The following UNC80 variants were observed in gnomAD, a reference collection of about 807,000 sequenced individuals.
UNC80 encodes the protein protein unc-80 homolog.
In UNC80, 164 loss-of-function variants were observed where a neutral mutation model predicts 384.6. The ratio of observed to expected loss-of-function variants is 0.43; its 90% CI spans 0.38 to 0.49. The LOEUF is 0.49. UNC80 is among the 20% of genes least tolerant of loss of function. The pLI is 0.00. For missense variants in UNC80, 3,330 were observed against 4,143.0 expected, an observed-to-expected ratio of 0.80 and a Z score of 5.39; for synonymous variants, 1,486 against 1,527.8, an observed-to-expected ratio of 0.97 and a Z score of 0.64.
At chr2:209,884,025 C>A (rs992718238) in intron 25 of UNC80, among the ~76,000 whole-genome samples, 2 of 152,112 alleles carry the variant, frequency 1.3e-5, no homozygotes, top group Non-Finnish European at 2.9e-5. Context: ...CCCCCTCCCC[C>A]ACAAAGAAAC....
chr2:209,850,304 C>T (rs1214918827), intron 22 of UNC80, among the ~76,000 whole-genome samples: 1 of 152,004 alleles, frequency 6.6e-6, no homozygotes, highest in Non-Finnish European at 1.5e-5. Context: ...ATAAAGTCTT[C>T]ATATGATGCA....
chr2:209,918,804 A>G (rs1055939544), intron 33 of UNC80, 141 bp downstream of exon 33: 1 of 1,028,860 alleles, frequency 9.7e-7, no homozygotes, highest in Non-Finnish European at 1.3e-6. Context: ...CCTTGTGAAT[A>G]TAATAGAGAG....
intron 35 of UNC80, among the ~76,000 whole-genome samples, chr2:209,922,693 A>G (rs996111114): frequency 1.3e-5 from 2 of 152,230 alleles, no homozygotes; most frequent in African/African-American, 2.4e-5. Context: ...CCAACTGGGA[A>G]GCTTAAAAAG....
At chr2:209,984,676 C>T (rs1396613527) in intron 60 of UNC80, among the ~76,000 whole-genome samples, 180 bp from the exon 61 acceptor site, 2 of 152,182 alleles carry the variant, frequency 1.3e-5, no homozygotes, top group African/African-American at 4.8e-5. Context: ...GCCTTGAGTC[C>T]TATGTCTTGA....
rs541619712 is a variant in UNC80 at position 209,825,571 on chromosome 2, C to T, written c.2332-336C>T. On this transcript the variant is annotated intron_variant, in intron 13 of 64. Transcript: ENST00000673920. ...AGGGTAGTTTCTAATAAAACTTATT[C>T]GCTTTCATCACTGATAGTCTGCACT... Among the ~76,000 whole-genome samples, 64 of 152,228 alleles carry T rather than the reference C, an allele frequency of 4.2e-4. No homozygotes were observed. The South Asian group carries it at 4.6e-3, about 11-fold the overall frequency.
intron 55 of UNC80, 103 bp from the exon 56 acceptor site, chr2:209,972,961 T>C: frequency 1.0e-6 from 1 of 991,540 alleles, no homozygotes; most frequent in Non-Finnish European, 1.5e-6. Flanking sequence ...TAGGGTGTTG[T>C]AGTTTGGACT....
Position 209,950,847 on chromosome 2 carries a change from C to T in UNC80, c.7287-3253C>T, listed in dbSNP as rs190242288. Among the ~76,000 whole-genome samples, 339 of 151,256 alleles carry T rather than the reference C, an allele frequency of 2.2e-3. 1 individual carries two copies. The highest frequency in any genetic ancestry group is 0.014 in the Middle Eastern group (4 of 292). ...TGCTGGGATTATAAGCATGAGCCAC[C>T]GCACCCAGCTGGATTTTTTTTTTTA... On this transcript the variant is annotated intron_variant, in intron 47 of 64. Coordinates refer to ENST00000673920, the MANE Select transcript of UNC80 (RefSeq NM_001371986.1).
rs1217960728 is a variant in UNC80 at position 209,872,459 on chromosome 2, A to T, written c.3628-299A>T. 1.3e-5 allele frequency among the ~76,000 whole-genome samples: 2 copies of T among 152,186 alleles called. No individual in the cohort carries two copies. The highest frequency in any genetic ancestry group is 4.8e-5 in the African/African-American group (2 of 41,444). ...TACACTCAAATCGCTGTCACCCTTA[A>T]ATATACAAAGTTGGAGACATGTAAT... On this transcript the variant is annotated intron_variant, in intron 22 of 64. Transcript: ENST00000673920. The surrounding 1 kb of genome is among the most constrained non-coding windows in gnomAD (Gnocchi z 4.1).
intron 25 of UNC80, among the ~76,000 whole-genome samples, chr2:209,887,687 C>T (rs1179028886): frequency 9.9e-5 from 15 of 152,126 alleles, no homozygotes. Flanking sequence ...GGATTCTGAA[C>T]TCCTTTAGAG....
chr2:209,808,754 T>A, intron 7 of UNC80: 1 of 41,696 alleles, frequency 2.4e-5, no homozygotes, highest in South Asian at 1.3e-4. Flanking sequence ...AGTGAGTGGG[T>A]CGCCTGCGCT....
intron 12 of UNC80, among the ~76,000 whole-genome samples, chr2:209,819,919 A>G (rs935842048): frequency 1.3e-5 from 2 of 152,252 alleles, no homozygotes; most frequent in Non-Finnish European, 1.5e-5. Flanking sequence ...TTTATCCATT[A>G]TTAGTAATGA....
intron 22 of UNC80, among the ~76,000 whole-genome samples, chr2:209,852,315 G>A (rs539884099): frequency 2.0e-5 from 3 of 152,088 alleles, no homozygotes; most frequent in Admixed American, 6.6e-5. Flanking sequence ...GAGCTCAGTA[G>A]TTCCCATTAT....
At chr2:209,947,452 C>T (rs1238901305) in intron 47 of UNC80, among the ~76,000 whole-genome samples, 1 of 152,204 alleles carries the variant, frequency 6.6e-6, no homozygotes, top group Admixed American at 6.5e-5. Context: ...AAAATTCAAA[C>T]ACATTGAAAT....
chr2:209,868,828 A>G (rs142224132), intron 22 of UNC80, among the ~76,000 whole-genome samples: 3,382 of 152,312 alleles, frequency 0.022, 37 homozygotes, highest in Non-Finnish European at 0.035. Flanking sequence ...TAGAAATTTC[A>G]TAGGTTCAAT....
chr2:209,790,587 C>T (rs1023683275), intron 6 of UNC80, among the ~76,000 whole-genome samples: 1 of 152,052 alleles, frequency 6.6e-6, no homozygotes, highest in Non-Finnish European at 1.5e-5. Flanking sequence ...TGGTCATTTC[C>T]AGCATCTAAA....
At chr2:209,896,640 C>T (rs1262603317) in intron 28 of UNC80, among the ~76,000 whole-genome samples, 1 of 152,148 alleles carries the variant, frequency 6.6e-6, no homozygotes, top group Non-Finnish European at 1.5e-5. Context: ...TTGGTTATGG[C>T]TGGCTTGCAG....
chr2:209,859,713 T>C (rs1405774101), intron 22 of UNC80, among the ~76,000 whole-genome samples: 1 of 152,200 alleles, frequency 6.6e-6, no homozygotes, highest in South Asian at 2.1e-4. Context: ...GACTTTTTAA[T>C]AATCTCCACT....
chr2:209,969,644 TG>T (rs1016728542), intron 52 of UNC80, 123 bp from the exon 53 acceptor site: 3 of 1,337,964 alleles, frequency 2.2e-6, no homozygotes, highest in East Asian at 5.1e-5. Flanking sequence ...TGGAACAATA[TG>T]GGTAAACTTC....
At position 209,967,432 on chromosome 2, in the gene UNC80, T is replaced by A. The variant is rs956661812; in HGVS notation, c.7806-5T>A. 15 of 1,542,240 alleles carry A rather than the reference T, an allele frequency of 9.7e-6. No homozygotes were observed. Among genetic ancestry groups the A allele is most frequent in the Middle Eastern group, 1.7e-4 (1 of 5,874 alleles). ...AAAATATATATACATATATATATAT[T>A]TTAGGTTGGCAGAAATTGCACACTC... On this transcript the variant is annotated splice_region_variant and splice_polypyrimidine_tract_variant and intron_variant, in intron 51 of 64. Coordinates refer to ENST00000673920, the MANE Select transcript of UNC80 (RefSeq NM_001371986.1).
Sources: gnomAD v4.1 joint callset for allele counts (sites outside exome capture counted in the v4.1 genomes callset) on GRCh38, gnomAD v4.1.1 for gene constraint, Gnocchi (gnomAD v3.1) non-coding constraint, MANE v1.5 for transcripts, NCBI Gene and HGNC (gene_info 2026-07-23, HGNC 2026-07-21) for gene names.